Variants in PALM2AKAP2 observed in about 807,000 individuals in gnomAD.
PALM2AKAP2 encodes the protein PALM2 and AKAP2 fusion.
A neutral mutation model predicts 71.5 loss-of-function variants in PALM2AKAP2; 37 were observed. That is an observed-to-expected ratio of 0.52 (90% CI 0.40 to 0.68). The LOEUF (loss-of-function observed/expected upper bound fraction) is 0.68. PALM2AKAP2 is among the 30% of genes least tolerant of loss of function. PALM2AKAP2 has a pLI of 0.00. For synonymous variants in PALM2AKAP2, 468 were observed against 478.8 expected, an observed-to-expected ratio of 0.98 and a Z score of 0.29; for missense variants, 1,224 against 1,191.8, an observed-to-expected ratio of 1.03 and a Z score of -0.40.
intron 1 of PALM2AKAP2, among the ~76,000 whole-genome samples, chr9:109,677,391 G>T (rs1303042785): frequency 2.0e-5 from 3 of 152,122 alleles, no homozygotes; most frequent in Admixed American, 6.6e-5. Flanking sequence ...TACCAGGTTG[G>T]GCGCGGTGGC....
intron 7 of PALM2AKAP2, among the ~76,000 whole-genome samples, chr9:110,035,408 A>T (rs260196): frequency 1.0e-4 from 8 of 78,164 alleles, no homozygotes; most frequent in Admixed American, 3.6e-4. Context: ...ATACGTATAT[A>T]ATATGTATAA....
rs372042638 is a variant in PALM2AKAP2, at chr9:109,786,894, T to C, written c.45+6361T>C. Among the ~76,000 whole-genome samples, 40 of 152,318 alleles carry C rather than the reference T, an allele frequency of 2.6e-4. No homozygotes were observed. In the South Asian group the frequency reaches 8.1e-3, roughly 31 times the overall value. On this transcript the variant is annotated intron_variant, in intron 1 of 9. Coordinates refer to the PALM2AKAP2 transcript ENST00000302798. ...GAAAACCAGGGCCCAGTAGAATTGT[T>C]TCTATATTTCTTTGGGGGCTACTCA...
intron 1 of PALM2AKAP2, among the ~76,000 whole-genome samples, chr9:109,861,576 C>T (rs1829310918): frequency 6.6e-6 from 1 of 152,144 alleles, no homozygotes; most frequent in Non-Finnish European, 1.5e-5. Flanking sequence ...GGAAGTCTTT[C>T]TAATGGATTG....
At chr9:110,087,600 T>C (rs1455586407) in intron 1 of PALM2AKAP2, among the ~76,000 whole-genome samples, 1 of 152,242 alleles carries the variant, frequency 6.6e-6, no homozygotes, top group East Asian at 1.9e-4. Flanking sequence ...TAGAACATGG[T>C]TCCATGGGGC....
chr9:109,708,552 A>G (rs1828179147), intron 1 of PALM2AKAP2, among the ~76,000 whole-genome samples: 2 of 152,188 alleles, frequency 1.3e-5, no homozygotes, highest in African/African-American at 4.8e-5. Flanking sequence ...CTGCAAAGCC[A>G]TGTGCACCGC....
At chr9:109,942,245 C>T (rs140086470) in intron 6 of PALM2AKAP2, among the ~76,000 whole-genome samples, 1,750 of 152,246 alleles carry the variant, frequency 0.011, 17 homozygotes, top group Non-Finnish European at 0.017. Flanking sequence ...GTAGAGAAAA[C>T]GAAAACACTT....
intron 6 of PALM2AKAP2, among the ~76,000 whole-genome samples, chr9:110,011,438 A>G (rs747193605): frequency 4.6e-5 from 7 of 151,994 alleles, no homozygotes; most frequent in Non-Finnish European, 8.8e-5. Context: ...TCGAGGGGAA[A>G]CTCTTCTCCG....
At chr9:109,869,905 G>A (rs1424324370) in intron 2 of PALM2AKAP2, among the ~76,000 whole-genome samples, 1 of 152,146 alleles carries the variant, frequency 6.6e-6, no homozygotes, top group Non-Finnish European at 1.5e-5. Flanking sequence ...TGGAGGTGAT[G>A]GTAACTTACT....
At chr9:109,823,763 G>C (rs1021448218) in intron 1 of PALM2AKAP2, among the ~76,000 whole-genome samples, 2 of 152,234 alleles carry the variant, frequency 1.3e-5, no homozygotes, top group African/African-American at 2.4e-5. Flanking sequence ...ATCTGTGTTT[G>C]TCTGGGGGTG....
intron 1 of PALM2AKAP2, among the ~76,000 whole-genome samples, chr9:109,861,946 G>T (rs1397928944): frequency 6.6e-6 from 1 of 152,112 alleles, no homozygotes; most frequent in Non-Finnish European, 1.5e-5. Context: ...GAAAAAAGAG[G>T]ATAGTACACT....
intron 7 of PALM2AKAP2, 89 bp downstream of exon 7, chr9:110,016,128 C>T (rs146422297): frequency 6.2e-5 from 76 of 1,233,720 alleles, no homozygotes; most frequent in Admixed American, 1.6e-4. Context: ...AAAATGAACA[C>T]TACCAATCCA....
chr9:109,877,486 C>CAT (rs1262019996), intron 2 of PALM2AKAP2, among the ~76,000 whole-genome samples: 1 of 152,032 alleles, frequency 6.6e-6, no homozygotes, highest in Non-Finnish European at 1.5e-5. Context: ...ATGAAAGGGC[C>CAT]ATAGAGTGTG....
chr9:109,723,320 C>T (rs934806503), intron 1 of PALM2AKAP2, among the ~76,000 whole-genome samples: 8 of 152,180 alleles, frequency 5.3e-5, no homozygotes, highest in African/African-American at 1.9e-4. Context: ...CCAGCACCGA[C>T]CTTATGTAGC....
At chr9:110,040,922 A>C (rs1309323452) in intron 7 of PALM2AKAP2, among the ~76,000 whole-genome samples, 2 of 152,160 alleles carry the variant, frequency 1.3e-5, no homozygotes, top group Non-Finnish European at 2.9e-5. Context: ...GCCATGCTTA[A>C]AGAGTACCTT....
chr9:110,124,626 G>A (rs1835556765), intron 1 of PALM2AKAP2, among the ~76,000 whole-genome samples: 1 of 152,124 alleles, frequency 6.6e-6, no homozygotes, highest in East Asian at 1.9e-4. Context: ...GTGTAGTGCT[G>A]GGGGCCCTAT....
At chr9:110,109,365 A>G (rs1476090775) in intron 1 of PALM2AKAP2, among the ~76,000 whole-genome samples, 1 of 151,218 alleles carries the variant, frequency 6.6e-6, no homozygotes, top group Non-Finnish European at 1.5e-5. Flanking sequence ...TTAAAAAAAA[A>G]AAAAAGAAAA....
At chr9:109,857,307 T>G (rs992654813) in intron 1 of PALM2AKAP2, among the ~76,000 whole-genome samples, 17 of 152,226 alleles carry the variant, frequency 1.1e-4, no homozygotes, top group African/African-American at 4.1e-4. Flanking sequence ...GGGAGAGAAA[T>G]ATTTTGCATT....
intron 5 of PALM2AKAP2, among the ~76,000 whole-genome samples, chr9:109,926,436 T>C (rs1173022307): frequency 6.6e-6 from 1 of 152,148 alleles, no homozygotes; most frequent in Non-Finnish European, 1.5e-5. Context: ...ACAATACTTC[T>C]AGGAAGTCTC....
chr9:109,946,025 A>G (rs1161374692), intron 6 of PALM2AKAP2: 2 of 152,210 alleles, frequency 1.3e-5, no homozygotes, highest in African/African-American at 4.8e-5. Context: ...TATTCGAGCT[A>G]TTTGTAGCCA....
Sources: allele counts gnomAD v4.1 joint callset (sites outside exome capture counted in the v4.1 genomes callset), GRCh38; gene constraint gnomAD v4.1.1; transcripts MANE v1.5; gene names NCBI Gene and HGNC (gene_info 2026-07-23, HGNC 2026-07-21).